Variants in UBE3B observed in about 807,000 individuals in gnomAD.
UBE3B encodes the protein ubiquitin protein ligase E3B, also known as ubiquitin-protein ligase E3B.
Under a neutral mutation model 132.3 loss-of-function variants are expected in UBE3B, and 80 were observed. The ratio of observed to expected loss-of-function variants is 0.60; its 90% CI spans 0.50 to 0.73. The LOEUF is 0.73. UBE3B is among the 30% of genes least tolerant of loss of function. The pLI is 0.00. For synonymous variants in UBE3B, 487 were observed against 520.4 expected (o/e 0.94, Z 0.87); for missense variants, 1,196 against 1,362.5 (o/e 0.88, Z 1.92).
intron 9 of UBE3B, 72 bp downstream of exon 9, chr12:109,491,199 C>T: frequency 2.1e-6 from 3 of 1,445,178 alleles, no homozygotes; most frequent in African/African-American, 1.4e-5. Context: ...TTCTTTCTCT[C>T]GTTACTGGTA....
At chr12:109,514,142 T>G (rs1880708232) in intron 18 of UBE3B, among the ~76,000 whole-genome samples, 2 of 152,200 alleles carry the variant, frequency 1.3e-5, no homozygotes, top group South Asian at 4.1e-4. Flanking sequence ...CTTACATCGC[T>G]TTTACCTGTT....
At chr12:109,527,204 G>A (rs375089150) in intron 24 of UBE3B, among the ~76,000 whole-genome samples, 17 of 152,310 alleles carry the variant, frequency 1.1e-4, no homozygotes, top group African/African-American at 3.6e-4. Context: ...CTGAGGCCCA[G>A]CAACTATTGT....
In UBE3B at chr12:109,483,651, G is replaced by C; in HGVS notation, c.100G>C (p.Val34Leu). ...GCAGAAGGAACGGGAGCGGGCAGCT[G>C]TTGTGATCCAGGCCCATGTCCGGAG... is the stretch of plus-strand genomic sequence containing the variant. ...LVQKERERAAVVIQAHVRSFL... is the reference protein window; with the variant it reads ...LVQKERERAALVIQAHVRSFL... Residue 34 changes from valine to leucine, a missense_variant, in exon 3 of 28, where the codon GTT (valine) becomes CTT (leucine). Coordinates refer to ENST00000342494, the MANE Select transcript of UBE3B (RefSeq NM_130466.4). 1 of 1,613,504 alleles carries C rather than the reference G, an allele frequency of 6.2e-7. No individual in the cohort carries two copies. Among genetic ancestry groups the C allele is most frequent in the Non-Finnish European group, 8.5e-7 (1 of 1,179,820 alleles).
intron 9 of UBE3B, among the ~76,000 whole-genome samples, chr12:109,496,401 G>A (rs1878213274): frequency 6.6e-6 from 1 of 151,906 alleles, no homozygotes; most frequent in Non-Finnish European, 1.5e-5. Context: ...GCATATTCCT[G>A]GGAGTAGACT....
At chr12:109,518,209 C>T (rs528050259) in intron 19 of UBE3B, among the ~76,000 whole-genome samples, 5 of 152,206 alleles carry the variant, frequency 3.3e-5, no homozygotes, top group South Asian at 2.1e-4. Context: ...ATAGCCCCCA[C>T]GAGTGAGTTG....
intron 18 of UBE3B, among the ~76,000 whole-genome samples, chr12:109,512,551 G>A (rs369112970): frequency 1.1e-4 from 17 of 152,286 alleles, no homozygotes; most frequent in African/African-American, 3.6e-4. Flanking sequence ...TCTAGGTTGT[G>A]TCCTTTATTT....
chr12:109,540,300 G>A (rs371492874), downstream of UBE3B, among the ~76,000 whole-genome samples: 3 of 152,124 alleles, frequency 2.0e-5, no homozygotes, highest in Non-Finnish European at 2.9e-5. Context: ...CTCCGCCTCC[G>A]AGGCTCAAGC....
intron 8 of UBE3B, chr12:109,490,215 A>G: frequency 1.1e-6 from 1 of 870,190 alleles, no homozygotes; most frequent in Non-Finnish European, 1.8e-6. Context: ...GATCCCTTGA[A>G]TGCTCTACAT....
intron 23 of UBE3B, 145 bp from the exon 24 acceptor site, chr12:109,526,211 CTT>C: frequency 1.2e-6 from 1 of 807,358 alleles, no homozygotes; most frequent in Non-Finnish European, 2.0e-6. Flanking sequence ...TCAGCCTTGA[CTT>C]TTTATGAGAA....
chr12:109,510,464 C>G lies in UBE3B; in HGVS notation c.1856+6C>G, dbSNP rs546067614. 1 of 1,605,738 alleles carries G rather than the reference C, an allele frequency of 6.2e-7. No homozygotes were observed. Among genetic ancestry groups the G allele is most frequent in the Non-Finnish European group, 8.5e-7 (1 of 1,176,194 alleles). ...GAGGACCACTGGCTGCGAAAGTGAG[C>G]TCCAGGGGTGAGGAGGGCTCCATGG... is the stretch of plus-strand genomic sequence containing the variant. On this transcript the variant is annotated splice_donor_region_variant and intron_variant, in intron 17 of 27. Transcript: ENST00000342494.
intron 2 of UBE3B, 81 bp from the exon 3 acceptor site, chr12:109,483,450 C>G: frequency 7.0e-7 from 1 of 1,427,454 alleles, no homozygotes; most frequent in Non-Finnish European, 9.3e-7. Context: ...GGTCCCTGCC[C>G]ACCCTCTGCT....
At chr12:109,533,359 T>TA in intron 26 of UBE3B, 107 bp from the exon 27 acceptor site, 1 of 1,087,480 alleles carries the variant, frequency 9.2e-7, no homozygotes, top group South Asian at 1.3e-5. Context: ...AGACAGCAGT[T>TA]ACAACACGGT....
intron 19 of UBE3B, chr12:109,520,853 G>A (rs1592953975): frequency 3.6e-6 from 1 of 274,586 alleles, no homozygotes; most frequent in Non-Finnish European, 6.9e-6. Context: ...TTTGTCTGAT[G>A]GCCAGGAGCT....
chr12:109,498,401 A>G, intron 11 of UBE3B, 48 bp downstream of exon 11: 1 of 1,591,304 alleles, frequency 6.3e-7, no homozygotes, highest in African/African-American at 1.3e-5. Flanking sequence ...CATCAGGGAA[A>G]GCCCGAGTGT....
rs1876661646 is a variant in UBE3B, at chr12:109,487,247, A to AGCCTGGTCCTGTGTTCCCCTACCCCC, written c.447+673_447+698dup. Among the ~76,000 whole-genome samples the AGCCTGGTCCTGTGTTCCCCTACCCCC allele has an allele frequency of 1.1e-4, 16 of 152,338 alleles. No individual in the cohort carries two copies. In the South Asian group the frequency reaches 2.9e-3, roughly 28 times the overall value. On this transcript the variant is annotated intron_variant, in intron 6 of 27. Coordinates refer to ENST00000342494, the MANE Select transcript of UBE3B (RefSeq NM_130466.4). ...AGGAATGGGGTACTGCCACTAGCCC[A>AGCCTGGTCCTGTGTTCCCCTACCCCC]GCCTGGTCCTGTGTTCCCCTACCCC...
At chr12:109,529,844 C>T in intron 24 of UBE3B, 46 bp from the exon 25 acceptor site, 1 of 1,608,480 alleles carries the variant, frequency 6.2e-7, no homozygotes, top group Non-Finnish European at 8.5e-7. Context: ...GACAGCCTGC[C>T]CCGTCCTGTT....
At chr12:109,486,220 CT>C in intron 5 of UBE3B, 149 bp downstream of exon 5, 1 of 906,390 alleles carries the variant, frequency 1.1e-6, no homozygotes, top group Non-Finnish European at 1.6e-6. Context: ...CAAATGATTC[CT>C]TAGTTTCTTC....
At chr12:109,493,026 A>G (rs1454640852) in intron 9 of UBE3B, among the ~76,000 whole-genome samples, 2 of 152,248 alleles carry the variant, frequency 1.3e-5, no homozygotes, top group East Asian at 3.8e-4. Context: ...ACCCTCACAC[A>G]GAAGAACAGG....
chr12:109,488,376 G>C (rs1387468883), intron 6 of UBE3B, among the ~76,000 whole-genome samples, 196 bp from the exon 7 acceptor site: 1 of 152,080 alleles, frequency 6.6e-6, no homozygotes, highest in East Asian at 1.9e-4. Flanking sequence ...TCCATTATCA[G>C]GCACTAGAGT....
Sources: gnomAD v4.1 joint callset for allele counts (sites outside exome capture counted in the v4.1 genomes callset) on GRCh38, gnomAD v4.1.1 for gene constraint, MANE v1.5 for transcripts, NCBI Gene and HGNC (gene_info 2026-07-23, HGNC 2026-07-21) for gene names.